The following HBS1L variants were observed in gnomAD, a reference collection of about 807,000 sequenced individuals.
HBS1L encodes HBS1 like translational GTPase.
A neutral mutation model predicts 88.9 loss-of-function variants in HBS1L; 55 were observed. That is an observed-to-expected ratio of 0.62 (90% confidence interval 0.50 to 0.77). HBS1L has a LOEUF of 0.77. Among genes scored for constraint, HBS1L ranks in the 30% least tolerant of loss-of-function variants. HBS1L has a pLI of 0.00. For synonymous variants in HBS1L, 267 were observed against 288.5 expected, an observed-to-expected ratio of 0.93 and a Z score of 0.76; for missense variants, 741 against 829.3, an observed-to-expected ratio of 0.89 and a Z score of 1.31.
intron 4 of HBS1L, among the ~76,000 whole-genome samples, chr6:135,033,448 C>G (rs1014204056): frequency 6.6e-6 from 1 of 152,148 alleles, no homozygotes; most frequent in Non-Finnish European, 1.5e-5. Context: ...GTTCCACCTT[C>G]GCAGTCTCAA....
At position 135,000,222 on chromosome 6, in the gene HBS1L, A is replaced by ATTTTTTTTTTTTTT. The variant is rs33946758; in HGVS notation, c.539+2498_539+2511dup. Among the ~76,000 whole-genome samples the ATTTTTTTTTTTTTT allele has an allele frequency of 4.9e-4, 64 of 129,406 alleles. 2 individuals are homozygous for ATTTTTTTTTTTTTT. The highest frequency in any genetic ancestry group is 1.9e-3 in the African/African-American group (54 of 28,906). The allele number at this position is 129,406 out of a possible 152,430, so 84.9% of individuals were successfully genotyped here. On this transcript the variant is annotated intron_variant, in intron 5 of 17. Transcript: ENST00000367837. ...AGGCAAGCACCACTATACCCAGCTA[A>ATTTTTTTTTTTTTT]TTTTTTTTTTTTTTTGGTAGAGATG...
intron 9 of HBS1L, 53 bp downstream of exon 9, chr6:134,987,592 G>A (rs1408817379): frequency 2.1e-6 from 3 of 1,427,230 alleles, no homozygotes; most frequent in Non-Finnish European, 9.5e-7. Flanking sequence ...TATACAAGCA[G>A]AATAACATCT....
At chr6:135,051,096 T>TGC (rs1225229980) in intron 1 of HBS1L, among the ~76,000 whole-genome samples, 88 of 151,938 alleles carry the variant, frequency 5.8e-4, no homozygotes, top group African/African-American at 1.4e-3. Context: ...CATGGTGACG[T>TGC]GCACCTGTAA....
intron 8 of HBS1L, among the ~76,000 whole-genome samples, chr6:134,991,606 G>A (rs1775141530): frequency 6.6e-6 from 1 of 152,076 alleles, no homozygotes; most frequent in African/African-American, 2.4e-5. Context: ...TCAATTAATA[G>A]GGATAATTAC....
At chr6:134,999,446 TTC>T (rs1775383651) in intron 5 of HBS1L, among the ~76,000 whole-genome samples, 2 of 119,830 alleles carry the variant, frequency 1.7e-5, no homozygotes, top group Admixed American at 8.7e-5. Flanking sequence ...TCTTTTTCTT[TTC>T]TTTTTTTTTT....
chr6:135,014,898 AG>A (rs1230404707), intron 4 of HBS1L, among the ~76,000 whole-genome samples: 1 of 150,914 alleles, frequency 6.6e-6, no homozygotes, highest in Admixed American at 6.6e-5. Flanking sequence ...AGCTGGGCAT[AG>A]TGGTACACGC....
chr6:135,008,879 C>T (rs1322030906), intron 4 of HBS1L, among the ~76,000 whole-genome samples: 1 of 152,050 alleles, frequency 6.6e-6, no homozygotes, highest in Non-Finnish European at 1.5e-5. Context: ...CTACAGTAAG[C>T]CACCAATAAA....
At chr6:135,008,058 C>T (rs544264403) in intron 4 of HBS1L, among the ~76,000 whole-genome samples, 80 of 152,284 alleles carry the variant, frequency 5.3e-4, no homozygotes, top group African/African-American at 1.9e-3. Flanking sequence ...TCCTTTAAAT[C>T]AACTAGCCCA....
chr6:134,988,053 T>C (rs1462900839), intron 8 of HBS1L, among the ~76,000 whole-genome samples: 1 of 151,810 alleles, frequency 6.6e-6, no homozygotes, highest in Non-Finnish European at 1.5e-5. Flanking sequence ...AGGAAAAATA[T>C]AAACAAAATT....
chr6:134,993,024 A>G (rs1415800348), intron 8 of HBS1L, among the ~76,000 whole-genome samples: 1 of 152,178 alleles, frequency 6.6e-6, no homozygotes, highest in Non-Finnish European at 1.5e-5. Context: ...GTTTAGATAC[A>G]CAAATATTTA....
At chr6:134,979,736 C>T (rs1292174248) in intron 13 of HBS1L, among the ~76,000 whole-genome samples, 1 of 151,958 alleles carries the variant, frequency 6.6e-6, no homozygotes, top group Non-Finnish European at 1.5e-5. Flanking sequence ...TCCTTGTTTT[C>T]CAAGTAACCC....
intron 2 of HBS1L, among the ~76,000 whole-genome samples, chr6:135,043,497 T>C (rs1776815198): frequency 6.6e-6 from 1 of 152,206 alleles, no homozygotes; most frequent in Admixed American, 6.5e-5. Flanking sequence ...AAAGCTGCAG[T>C]GTATGTGTAA....
chr6:134,973,465 G>A (rs946535363), intron 15 of HBS1L, among the ~76,000 whole-genome samples: 3 of 152,190 alleles, frequency 2.0e-5, no homozygotes, highest in African/African-American at 4.8e-5. Context: ...GGAAGATACT[G>A]TGTCATGGGT....
chr6:134,982,478 T>C lies in HBS1L; in HGVS notation c.1577A>G (p.Asn526Ser). 1 of 1,605,668 alleles carries C rather than the reference T, an allele frequency of 6.2e-7. No homozygotes were observed. Among genetic ancestry groups the C allele is most frequent in the Non-Finnish European group, 8.5e-7 (1 of 1,172,912 alleles). ...AATACCTTTCACGGTACAAGTTTCA[T>C]TAGGAGGCATTGCCAGTAGTCGGTC... ...TGDRLLAMPP[N>S]ETCTVKGITL... is the part of the protein sequence containing the mutation. The change falls in exon 13 of 18, where the codon AAT becomes AGT. Residue 526 changes from asparagine (N) to serine (S), a missense_variant. Coordinates refer to ENST00000367837, the MANE Select transcript of HBS1L (RefSeq NM_006620.4).
At chr6:134,971,318 T>A (rs1774480838) in intron 15 of HBS1L, among the ~76,000 whole-genome samples, 1 of 152,170 alleles carries the variant, frequency 6.6e-6, no homozygotes. Context: ...AGTACCAATA[T>A]AACATAAATA....
intron 10 of HBS1L, 121 bp downstream of exon 10, chr6:134,986,615 A>C (rs2114783166): frequency 2.1e-6 from 1 of 482,234 alleles, no homozygotes; most frequent in Non-Finnish European, 3.6e-6. Context: ...GATACTCAAG[A>C]GAAAATAAAG....
chr6:135,054,419 G>A (rs750140738), intron 1 of HBS1L, among the ~76,000 whole-genome samples: 4 of 152,160 alleles, frequency 2.6e-5, no homozygotes, highest in African/African-American at 7.2e-5. Flanking sequence ...ATGACGCTAT[G>A]CAGCACCTCC....
intron 8 of HBS1L, among the ~76,000 whole-genome samples, chr6:134,989,439 A>AGAACAGAGTCAGAACAG (rs1775070711): frequency 6.6e-6 from 1 of 152,126 alleles, no homozygotes; most frequent in South Asian, 2.1e-4. Context: ...CCACATCATT[A>AGAACAGAGTCAGAACAG]AGTTCTCCTG....
At chr6:134,997,225 T>C (rs1775314944) in intron 6 of HBS1L, among the ~76,000 whole-genome samples, 172 bp downstream of exon 6, 1 of 152,206 alleles carries the variant, frequency 6.6e-6, no homozygotes, top group Non-Finnish European at 1.5e-5. Context: ...ATGACCTCTT[T>C]GGTAACTTGG....
Sources: allele counts gnomAD v4.1 joint callset (sites outside exome capture counted in the v4.1 genomes callset), GRCh38; gene constraint gnomAD v4.1.1; transcripts MANE v1.5; gene names NCBI Gene and HGNC (gene_info 2026-07-23, HGNC 2026-07-21).